The following NAAA variants were observed in gnomAD, a reference collection of about 807,000 sequenced individuals.
NAAA encodes N-acylethanolamine-hydrolyzing acid amidase.
A neutral mutation model predicts 44.8 loss-of-function variants in NAAA; 39 were observed. The observed-to-expected ratio is 0.87, with a 90% CI of 0.67 to 1.14. NAAA has a LOEUF of 1.14. Among genes scored for constraint, NAAA ranks in the 50% most tolerant of loss-of-function variants. NAAA has a pLI of 0.00. For missense variants in NAAA, 460 were observed against 467.8 expected (o/e 0.98, Z 0.15); for synonymous variants, 178 against 191.3 (o/e 0.93, Z 0.58).
intron 8 of NAAA, chr4:75,919,520 TCA>T: frequency 4.0e-6 from 1 of 250,044 alleles, no homozygotes; most frequent in Non-Finnish European, 7.5e-6. Flanking sequence ...TCTCGCTCTG[TCA>T]GGCTGGAGTG....
At position 75,940,863 on chromosome 4, in the gene NAAA, C is replaced by A. The variant is rs1728221681; in HGVS notation, c.87G>T (p.Ser29=). 2.5e-6 allele frequency: 4 copies of A among 1,576,492 alleles called. No individual in the cohort carries two copies. Among genetic ancestry groups the A allele is most frequent in the Non-Finnish European group, 3.4e-6 (4 of 1,170,884 alleles). ...LLAGAGLSAA[S]PPAAPRFNVS... ...CGTTGAAGCGCGGCGCTGCTGGGGG[C>A]GAGGCGGCTGACAGCCCGGCCCCGG... The change falls in exon 1 of 11, where the codon TCG becomes TCT. Residue 29 remains serine, a synonymous_variant. Coordinates refer to ENST00000286733, the MANE Select transcript of NAAA (RefSeq NM_014435.4).
chr4:75,919,959 C>T lies in NAAA; in HGVS notation c.919G>A (p.Ala307Thr), dbSNP rs1261990669. 1 of 1,613,940 alleles carries T rather than the reference C, an allele frequency of 6.2e-7. No individual in the cohort carries two copies. Among genetic ancestry groups the T allele is most frequent in the South Asian group, 1.1e-5 (1 of 91,036 alleles). Residue 307 changes from alanine to threonine, a missense_variant, in exon 8 of 11, where the codon GCC becomes ACC. Ala to Thr is a moderately conservative substitution (Grantham distance 58, BLOSUM62 0). Transcript: ENST00000286733. ...EDDRRTSAIK[A>T]LNATGQANLS... ...TTTGCTTGTCCTGTAGCATTAAGGG[C>T]CTTGATGGCAGATGTTCTGTAAGGA... is the stretch of plus-strand genomic sequence containing the variant.
At chr4:75,933,691 G>T (rs1727440080) in intron 3 of NAAA, among the ~76,000 whole-genome samples, 1 of 152,040 alleles carries the variant, frequency 6.6e-6, no homozygotes, top group Non-Finnish European at 1.5e-5. Flanking sequence ...CTTCCCAGTT[G>T]TTTCTGCCTA....
chr4:75,914,889 C>T lies in NAAA; in HGVS notation c.*15G>A, dbSNP rs375921876. 87 of 1,613,872 alleles carry T rather than the reference C, an allele frequency of 5.4e-5. No homozygotes were observed. The African/African-American group carries it at 7.7e-4, about 14-fold the overall frequency. Reference sequence around the variant, plus strand: ...AAACCTTTCACAGCACGGGCGAACTCGCTCTTCTGCTGACTTACTTTCTAC... The same window carrying T: ...AAACCTTTCACAGCACGGGCGAACTTGCTCTTCTGCTGACTTACTTTCTAC... On this transcript the variant is annotated 3_prime_UTR_variant, in exon 10 of 11. Coordinates refer to ENST00000286733, the MANE Select transcript of NAAA (RefSeq NM_014435.4).
chr4:75,932,487 G>A (rs1195342609), intron 3 of NAAA, among the ~76,000 whole-genome samples: 1 of 152,078 alleles, frequency 6.6e-6, no homozygotes, highest in Admixed American at 6.6e-5. Flanking sequence ...ATACCACTAT[G>A]TAACCTGCAG....
chr4:75,931,239 C>CT lies in NAAA; in HGVS notation c.563dup (p.Phe189ValfsTer6). Reference sequence around the variant, plus strand: ...CTCGTTCATCACCAGAAACTGTAAACTTGTGTGGGCTCTGGCCAGTCCATA... The same window carrying CT: ...CTCGTTCATCACCAGAAACTGTAAACTTTGTGTGGGCTCTGGCCAGTCCATA... On this transcript the variant is annotated frameshift_variant, in exon 4 of 11. Coordinates refer to ENST00000286733, the MANE Select transcript of NAAA (RefSeq NM_014435.4). LOFTEE classifies it high-confidence loss of function. The CT allele has an allele frequency of 6.2e-7, 1 of 1,612,676 alleles. No homozygotes were observed. The highest frequency in any genetic ancestry group is 8.5e-7 in the Non-Finnish European group (1 of 1,178,912).
chr4:75,927,795 CA>C (rs11408634), intron 4 of NAAA, among the ~76,000 whole-genome samples: 1 of 149,194 alleles, frequency 6.7e-6, no homozygotes. Flanking sequence ...TCAAAACAAA[CA>C]AAAAAAAATG....
chr4:75,913,966 G>C lies in NAAA; in HGVS notation c.*409C>G, dbSNP rs922988258. 1 of 985,288 alleles carries C rather than the reference G, an allele frequency of 1.0e-6. No individual in the cohort carries two copies. The allele number at this position is 985,288 out of a possible 1,614,324, so 61.0% of individuals were successfully genotyped here. On this transcript the variant is annotated 3_prime_UTR_variant, in exon 11 of 11. Transcript: ENST00000286733. The stretch of plus-strand genomic sequence containing the variant: ...CCTTTTTTCTTAGGCTCTTTCAGAA[G>C]CACTTCACAATGAACAGAGGTCTTG...
Position 75,921,006 on chromosome 4 carries a change from T to C in NAAA, c.784A>G (p.Thr262Ala). 6.2e-7 allele frequency: 1 copy of C among 1,611,736 alleles called. No individual in the cohort carries two copies. Among genetic ancestry groups the C allele is most frequent in the Non-Finnish European group, 8.5e-7 (1 of 1,179,486 alleles). Residue 262 changes from threonine (T) to alanine (A), a missense_variant, in exon 6 of 11, where the codon ACG becomes GCG. Thr to Ala is a moderately conservative substitution (Grantham distance 58). Coordinates refer to ENST00000286733, the MANE Select transcript of NAAA (RefSeq NM_014435.4). ...GTSPREGVVI[T>A]RNRDGPADIW... ...TCTGCTGGGCCATCTCTGTTCCTCG[T>C]GATGACCACCCCCTCCCGGGGGGAC...
At chr4:75,911,882 G>A (rs1725339643), downstream of NAAA, among the ~76,000 whole-genome samples, 1 of 152,122 alleles carries the variant, frequency 6.6e-6, no homozygotes, top group Non-Finnish European at 1.5e-5. Context: ...TTACTCCCTA[G>A]CAGGGCAGAG....
At chr4:75,915,636 T>C (rs1037893736) in intron 9 of NAAA, among the ~76,000 whole-genome samples, 1 of 152,170 alleles carries the variant, frequency 6.6e-6, no homozygotes, top group East Asian at 1.9e-4. Context: ...TCCTGGGTAC[T>C]TGGGCAGACT....
chr4:75,939,144 C>T (rs943363510), intron 2 of NAAA, among the ~76,000 whole-genome samples: 3 of 152,152 alleles, frequency 2.0e-5, no homozygotes, highest in African/African-American at 4.8e-5. Context: ...TGAGCCACCG[C>T]GCCCAGCCTG....
chr4:75,940,214 C>G, intron 1 of NAAA, 49 bp from the exon 2 acceptor site: 2 of 1,576,466 alleles, frequency 1.3e-6, no homozygotes, highest in Non-Finnish European at 1.7e-6. Flanking sequence ...AGGTCGGCGG[C>G]GTGCGACTGC....
intron 5 of NAAA, among the ~76,000 whole-genome samples, chr4:75,923,941 C>A (rs752426062): frequency 3.3e-5 from 5 of 152,208 alleles, no homozygotes; most frequent in Non-Finnish European, 4.4e-5. Context: ...AGGGTGGGGG[C>A]AGACAGCTTT....
chr4:75,920,916 G>T (rs755297735), intron 6 of NAAA, 35 bp downstream of exon 6: 1 of 1,613,372 alleles, frequency 6.2e-7, no homozygotes, highest in Non-Finnish European at 8.5e-7. Flanking sequence ...ATGATTATCT[G>T]ATACAAAATG....
At chr4:75,915,748 C>T (rs1725573324) in intron 9 of NAAA, among the ~76,000 whole-genome samples, 1 of 152,102 alleles carries the variant, frequency 6.6e-6, no homozygotes, top group Admixed American at 6.5e-5. Context: ...TCTAAAGCTC[C>T]AGGATCAAGG....
chr4:75,925,024 T>C (rs564486618), intron 5 of NAAA, among the ~76,000 whole-genome samples: 3 of 151,266 alleles, frequency 2.0e-5, no homozygotes, highest in Non-Finnish European at 4.4e-5. Context: ...GGAGTTTTGC[T>C]CTTATTGACC....
rs1020215510 is a variant in NAAA, at chr4:75,940,999, G to T, written c.-50C>A. The T allele has an allele frequency of 2.1e-6, 3 of 1,419,484 alleles. No individual in the cohort carries two copies. The highest frequency in any genetic ancestry group is 2.7e-6 in the Non-Finnish European group (3 of 1,095,366). 87.9% of individuals were successfully genotyped at this position (1,419,484 alleles called of 1,614,324 possible). A position where few individuals can be genotyped will look rare whatever the true frequency, so the allele number is the denominator to read the frequency against. ...TTGGAGACCTGCAGCCGCTGTCGGA[G>T]CCCGGGTAAGCCGTGGAGGAGGAGG... On this transcript the variant is annotated 5_prime_UTR_variant, in exon 1 of 11. Coordinates refer to ENST00000286733, the MANE Select transcript of NAAA (RefSeq NM_014435.4).
intron 2 of NAAA, among the ~76,000 whole-genome samples, 196 bp from the exon 3 acceptor site, chr4:75,936,431 G>C (rs1215747092): frequency 6.6e-6 from 1 of 152,152 alleles, no homozygotes; most frequent in Admixed American, 6.5e-5. Context: ...CAACTCATCT[G>C]TGTTCATTCA....
Sources: allele counts gnomAD v4.1 joint callset (sites outside exome capture counted in the v4.1 genomes callset), GRCh38; gene constraint gnomAD v4.1.1; transcripts MANE v1.5; gene names NCBI Gene and HGNC (gene_info 2026-07-23, HGNC 2026-07-21).